Variants in MMP26 observed in about 807,000 individuals in gnomAD.
MMP26 encodes matrix metalloproteinase-26.
MMP26 carries 33 observed loss-of-function variants against 31.0 expected under a neutral mutation model. That is an observed-to-expected ratio of 1.06 (90% CI 0.81 to 1.42). The LOEUF (loss-of-function observed/expected upper bound fraction) is 1.42. Among genes scored for constraint, MMP26 ranks in the 40% most tolerant of loss-of-function variants. The pLI, the probability that MMP26 is intolerant of heterozygous loss-of-function variation, is 0.00. For missense variants in MMP26, 347 were observed against 316.1 expected, an observed-to-expected ratio of 1.10 and a Z score of -0.74; for synonymous variants, 122 against 114.9, an observed-to-expected ratio of 1.06 and a Z score of -0.40.
chr11:4,818,527 T>C lies in MMP26; in HGVS notation c.-145+51186T>C, dbSNP rs1386904701. On this transcript the variant is annotated intron_variant, in intron 2 of 7. Coordinates refer to ENST00000380390, the MANE Select transcript of MMP26 (RefSeq NM_021801.5). ...TTATATTCTTTTTAAATAACTTTGGTTTTATTTTTAACTCATTCATTTGTG... is the reference window on the plus strand; with the variant it reads ...TTATATTCTTTTTAAATAACTTTGGCTTTATTTTTAACTCATTCATTTGTG... Among the ~76,000 whole-genome samples, 4 of 152,278 alleles carry C rather than the reference T, an allele frequency of 2.6e-5. 1 individual carries two copies. In the South Asian group the frequency reaches 8.3e-4, roughly 32 times the overall value.
In MMP26 at chr11:4,986,940, T is replaced by TCTCTCTCTCTCTCC. The variant is rs1564819771; in HGVS notation, c.-144-1115_-144-1114insCCTCTCTCTCTCTC. ...CTCTCTCTCTCTCTCTCCCTCTCTC[T>TCTCTCTCTCTCTCC]CTCTCTCTCTCTCTCTCTCCCTCTC... is the stretch of plus-strand genomic sequence containing the variant. On this transcript the variant is annotated intron_variant, in intron 2 of 7. Transcript: ENST00000380390. 9.0e-4 allele frequency among the ~76,000 whole-genome samples: 106 copies of TCTCTCTCTCTCTCC among 118,074 alleles called. 8 individuals are homozygous for TCTCTCTCTCTCTCC. Among genetic ancestry groups the TCTCTCTCTCTCTCC allele is most frequent in the African/African-American group, 3.4e-3 (101 of 29,810 alleles). 77.5% of individuals were successfully genotyped at this position (118,074 alleles called of 152,430 possible).
chr11:4,792,956 G>C (rs1484709251), intron 2 of MMP26, among the ~76,000 whole-genome samples: 5 of 152,056 alleles, frequency 3.3e-5, no homozygotes, highest in Non-Finnish European at 7.4e-5. Context: ...TCTTACGTTT[G>C]TATCAGTAAA....
chr11:4,778,373 G>A (rs1219993691), intron 2 of MMP26, among the ~76,000 whole-genome samples: 1 of 151,858 alleles, frequency 6.6e-6, no homozygotes, highest in Non-Finnish European at 1.5e-5. Flanking sequence ...AATAGATCTG[G>A]TATTCGTTAT....
intron 2 of MMP26, among the ~76,000 whole-genome samples, chr11:4,873,990 CACTT>C (rs1306632777): frequency 6.6e-6 from 1 of 152,016 alleles, no homozygotes; most frequent in African/African-American, 2.4e-5. Context: ...TAAAGAGAGA[CACTT>C]ATTATATAAG....
chr11:4,904,757 GA>G (rs1207270199), intron 2 of MMP26, among the ~76,000 whole-genome samples: 1 of 151,408 alleles, frequency 6.6e-6, no homozygotes, highest in Non-Finnish European at 1.5e-5. Context: ...TGTTGCCAGA[GA>G]AAAAAAGGGA....
intron 1 of MMP26, among the ~76,000 whole-genome samples, chr11:4,755,122 C>T (rs977383219): frequency 6.6e-6 from 1 of 151,952 alleles, no homozygotes; most frequent in African/African-American, 2.4e-5. Flanking sequence ...CACCATGTCG[C>T]TATCAGTTTT....
chr11:4,737,887 G>T (rs1848263046), intron 1 of MMP26, among the ~76,000 whole-genome samples: 1 of 152,192 alleles, frequency 6.6e-6, no homozygotes, highest in Admixed American at 6.5e-5. Context: ...AAACTCTACT[G>T]CATGGTGCAA....
At chr11:4,878,028 C>T (rs953350569) in intron 2 of MMP26, 2 of 152,172 alleles carry the variant, frequency 1.3e-5, no homozygotes, top group African/African-American at 4.8e-5. Flanking sequence ...CTGTGGTCAA[C>T]TACTCTATTA....
chr11:4,755,910 C>T (rs1016089445), intron 1 of MMP26, among the ~76,000 whole-genome samples: 3 of 152,032 alleles, frequency 2.0e-5, no homozygotes, highest in African/African-American at 7.2e-5. Flanking sequence ...AAAGGAACAA[C>T]ATCTGGAAAA....
intron 1 of MMP26, among the ~76,000 whole-genome samples, chr11:4,756,371 A>C (rs1848504366): frequency 6.6e-6 from 1 of 152,108 alleles, no homozygotes; most frequent in Non-Finnish European, 1.5e-5. Flanking sequence ...AATACAATAA[A>C]AATGACTGTT....
rs996997850 is a variant in MMP26 at position 4,926,008 on chromosome 11, T to C, written c.-144-62060T>C. On this transcript the variant is annotated intron_variant, in intron 2 of 7. Transcript: ENST00000380390. ...GATGGGTGAGAATATTAGGATTTTTTAGAAAAGAAAGATAGGAAGTTGAGA... is the reference window on the plus strand; with the variant it reads ...GATGGGTGAGAATATTAGGATTTTTCAGAAAAGAAAGATAGGAAGTTGAGA... Among the ~76,000 whole-genome samples the C allele has an allele frequency of 6.2e-4, 95 of 152,160 alleles. 1 individual carries two copies. Among genetic ancestry groups the C allele is most frequent in the Non-Finnish European group, 1.0e-4 (7 of 68,024 alleles).
chr11:4,849,152 G>C (rs1377348266), intron 2 of MMP26: 3 of 1,613,964 alleles, frequency 1.9e-6, no homozygotes, highest in Admixed American at 3.3e-5. Flanking sequence ...CCAGCAAGAA[G>C]GTGGGGGCCA....
At chr11:4,963,077 C>A (rs751662716) in intron 2 of MMP26, among the ~76,000 whole-genome samples, 2 of 152,076 alleles carry the variant, frequency 1.3e-5, no homozygotes, top group Non-Finnish European at 2.9e-5. Context: ...ACTTAAATTC[C>A]TATCTACCAA....
At chr11:4,837,895 C>G (rs1042214278) in intron 2 of MMP26, among the ~76,000 whole-genome samples, 1 of 151,516 alleles carries the variant, frequency 6.6e-6, no homozygotes, top group Non-Finnish European at 1.5e-5. Context: ...ACATTGATTA[C>G]TATTAATTTT....
intron 1 of MMP26, among the ~76,000 whole-genome samples, chr11:4,720,408 A>G (rs1384191501): frequency 1.3e-5 from 2 of 152,212 alleles, no homozygotes; most frequent in Non-Finnish European, 2.9e-5. Flanking sequence ...TTATAATGCT[A>G]TGCTTGGACC....
At chr11:4,908,309 G>T (rs2133567149) in intron 2 of MMP26, 1 of 1,611,996 alleles carries the variant, frequency 6.2e-7, no homozygotes, top group East Asian at 2.2e-5. Flanking sequence ...TGGGAGATAA[G>T]AACTTGAACA....
At chr11:4,849,367 CTGTGCACGCACCCATCCT>C in intron 2 of MMP26, 1 of 690,298 alleles carries the variant, frequency 1.4e-6, no homozygotes, top group Non-Finnish European at 2.4e-6. Flanking sequence ...CATTTCCTCC[CTGTGCACGCACCCATCCT>C]AATAGTATAT....
At chr11:4,716,757 G>A (rs1276917977) in intron 1 of MMP26, among the ~76,000 whole-genome samples, 1 of 135,646 alleles carries the variant, frequency 7.4e-6, no homozygotes, top group Admixed American at 8.7e-5. Context: ...CACTTCCCAG[G>A]TTCAAGCGAT....
intron 1 of MMP26, chr11:4,752,388 G>A (rs1444791724): frequency 6.6e-6 from 1 of 152,506 alleles, no homozygotes; most frequent in Non-Finnish European, 1.5e-5. Flanking sequence ...TAATCGTAGT[G>A]CACTGTTGAT....
Sources: allele counts gnomAD v4.1 joint callset (sites outside exome capture counted in the v4.1 genomes callset), GRCh38; gene constraint gnomAD v4.1.1; transcripts MANE v1.5; gene names NCBI Gene and HGNC (gene_info 2026-07-23, HGNC 2026-07-21).